Variants in NHSL1 observed in about 807,000 individuals in gnomAD.
The protein encoded by NHSL1 is NHS-like protein 1.
A neutral mutation model predicts 95.0 loss-of-function variants in NHSL1; 48 were observed. The ratio of observed to expected loss-of-function variants is 0.51; its 90% CI spans 0.40 to 0.64. NHSL1 has a LOEUF of 0.64. Among genes scored for constraint, NHSL1 ranks in the 30% least tolerant of loss-of-function variants. The probability of loss-of-function intolerance (pLI) is 0.00; values close to 1 mark genes in which losing one functional copy is unlikely to be tolerated. For synonymous variants in NHSL1, 783 were observed against 833.9 expected (o/e 0.94, Z 1.05); for missense variants, 1,971 against 2,077.7 (o/e 0.95, Z 1.00).
rs962232968 is a variant in NHSL1, at chr6:138,626,607, T to C, written c.96+65869A>G. On this transcript the variant is annotated intron_variant, in intron 1 of 3. Coordinates refer to the NHSL1 transcript ENST00000491526. ...AATCAAGAAACTTTCTTAAAAAAAA[T>C]TGTAGGCCGGGCGCGGTGGCTCACG... 2.4e-5 allele frequency among the ~76,000 whole-genome samples: 3 copies of C among 126,152 alleles called. 1 individual carries two copies. In the South Asian group the frequency reaches 8.2e-4, roughly 35 times the overall value. The allele number at this position is 126,152 out of a possible 152,430, so 82.8% of individuals were successfully genotyped here. A position where few individuals can be genotyped will look rare whatever the true frequency, so the allele number is the denominator to read the frequency against.
chr6:138,513,609 T>C (rs1227891700), intron 1 of NHSL1, among the ~76,000 whole-genome samples: 1 of 152,130 alleles, frequency 6.6e-6, no homozygotes, highest in Non-Finnish European at 1.5e-5. Flanking sequence ...GGCTGGTGGG[T>C]AAAGGAAGAA....
intron 7 of NHSL1, among the ~76,000 whole-genome samples, chr6:138,427,118 A>C (rs1250163281): frequency 6.6e-6 from 1 of 152,228 alleles, no homozygotes; most frequent in Non-Finnish European, 1.5e-5. Context: ...CTGGTGACTT[A>C]ATTTGTAATT....
chr6:138,683,464 C>T (rs779599018), intron 1 of NHSL1, among the ~76,000 whole-genome samples: 2 of 152,184 alleles, frequency 1.3e-5, no homozygotes, highest in South Asian at 2.1e-4. Flanking sequence ...ATGTGCCAGG[C>T]GCTGTGCTAA....
At chr6:138,664,330 G>T (rs145392646) in intron 1 of NHSL1, among the ~76,000 whole-genome samples, 2 of 152,156 alleles carry the variant, frequency 1.3e-5, no homozygotes, top group Non-Finnish European at 2.9e-5. Flanking sequence ...CGCCAAGTAG[G>T]CTGGGTACCC....
chr6:138,647,115 A>C (rs1176206503), intron 1 of NHSL1, among the ~76,000 whole-genome samples: 2 of 152,230 alleles, frequency 1.3e-5, no homozygotes, highest in Non-Finnish European at 2.9e-5. Context: ...ATCTCCCAAA[A>C]ACAGTGAATC....
intron 1 of NHSL1, among the ~76,000 whole-genome samples, chr6:138,561,572 C>T (rs112493913): frequency 2.6e-5 from 4 of 152,312 alleles, no homozygotes; most frequent in African/African-American, 9.6e-5. Context: ...GCCATTTTCA[C>T]ATTGACTTTG....
intron 1 of NHSL1, among the ~76,000 whole-genome samples, chr6:138,681,175 ACAGGATAACC>A (rs1387106698): frequency 6.6e-6 from 1 of 152,198 alleles, no homozygotes; most frequent in Admixed American, 6.5e-5. Flanking sequence ...AAGAAGAGCA[ACAGGATAACC>A]CAGAAATTGT....
chr6:138,430,859 G>T lies in NHSL1; in HGVS notation c.3486C>A (p.Arg1162=), dbSNP rs762365965. ...SAAERGGPVS[R]SPGAPSAGEA... The stretch of plus-strand genomic sequence containing the variant: ...CCCCAGCGCTTGGAGCTCCAGGGCT[G>T]CGGCTCACAGGGCCACCACGCTCAG... The change falls in exon 6 of 8, where the codon CGC becomes CGA. Residue 1162 remains arginine, a synonymous_variant. Transcript: ENST00000343505. This position sits in a 1 kb window ranked among gnomAD's most constrained non-coding sequence, Gnocchi z 4.7. 1.1e-5 allele frequency: 17 copies of T among 1,551,060 alleles called. No individual in the cohort carries two copies. In the South Asian group the frequency reaches 2.0e-4, roughly 18 times the overall value.
At chr6:138,555,831 C>T (rs57832631) in intron 1 of NHSL1, among the ~76,000 whole-genome samples, 3,055 of 152,232 alleles carry the variant, frequency 0.02, 126 homozygotes, top group African/African-American at 0.068. Context: ...AAGAGACTAA[C>T]AGAAAGGAAC....
rs1412769908 is a variant in NHSL1 at position 138,634,397 on chromosome 6, G to C, written c.96+58079C>G. On this transcript the variant is annotated intron_variant, in intron 1 of 3. Coordinates refer to the NHSL1 transcript ENST00000491526. ...CCATGCCAACAAAAACAAACAAAAA[G>C]AGCAGGAGTAGCTATACTTACATCA... is the stretch of plus-strand genomic sequence containing the variant. Among the ~76,000 whole-genome samples the C allele has an allele frequency of 2.6e-5, 4 of 152,032 alleles. No individual in the cohort carries two copies. The East Asian group carries it at 7.7e-4, about 29-fold the overall frequency.
chr6:138,496,969 C>A (rs544818467), intron 1 of NHSL1, among the ~76,000 whole-genome samples: 4 of 152,286 alleles, frequency 2.6e-5, no homozygotes, highest in Non-Finnish European at 1.5e-5. Context: ...ATTCTCTCTG[C>A]ATTTCTTGCT....
chr6:138,440,386 C>T (rs1167173628), intron 5 of NHSL1, among the ~76,000 whole-genome samples: 2 of 152,142 alleles, frequency 1.3e-5, no homozygotes, highest in Non-Finnish European at 2.9e-5. Flanking sequence ...GCCTGGAGAC[C>T]TCAGGTAGCC....
At chr6:138,476,325 A>G (rs1460526244) in intron 2 of NHSL1, among the ~76,000 whole-genome samples, 2 of 152,230 alleles carry the variant, frequency 1.3e-5, no homozygotes, top group Non-Finnish European at 2.9e-5. Flanking sequence ...TAAAAAAAGA[A>G]TTAAATCATA....
chr6:138,608,617 T>C (rs1480814341), intron 1 of NHSL1, among the ~76,000 whole-genome samples: 1 of 152,248 alleles, frequency 6.6e-6, no homozygotes, highest in Non-Finnish European at 1.5e-5. Flanking sequence ...AAATTTTATT[T>C]CTACTTTGTC....
At chr6:138,585,536 G>T (rs1450709347) in intron 1 of NHSL1, among the ~76,000 whole-genome samples, 2 of 151,840 alleles carry the variant, frequency 1.3e-5, no homozygotes, top group African/African-American at 4.8e-5. Flanking sequence ...TATTTTAAAC[G>T]ACTGAAAAAT....
intron 3 of NHSL1, among the ~76,000 whole-genome samples, chr6:138,457,833 C>A (rs1777716275): frequency 6.6e-6 from 1 of 152,160 alleles, no homozygotes; most frequent in Non-Finnish European, 1.5e-5. Context: ...CATAGTGAAA[C>A]CCCGTCTCTA....
intron 4 of NHSL1, among the ~76,000 whole-genome samples, chr6:138,442,788 G>C (rs1776611802): frequency 1.3e-5 from 2 of 152,144 alleles, no homozygotes; most frequent in South Asian, 4.1e-4. Flanking sequence ...TCTTAATTCA[G>C]ACATTTCAAG....
intron 1 of NHSL1, among the ~76,000 whole-genome samples, chr6:138,558,540 C>T (rs1447633468): frequency 6.6e-6 from 1 of 151,912 alleles, no homozygotes; most frequent in African/African-American, 2.4e-5. Flanking sequence ...TCTCCTCCCT[C>T]AGCCTCCTGA....
At chr6:138,690,260 A>G (rs1268883085) in intron 1 of NHSL1, among the ~76,000 whole-genome samples, 1 of 152,244 alleles carries the variant, frequency 6.6e-6, no homozygotes, top group Non-Finnish European at 1.5e-5. Context: ...ATTGTTTTAA[A>G]AGAATCCTAA....
Sources: gnomAD v4.1 joint callset for allele counts (sites outside exome capture counted in the v4.1 genomes callset) on GRCh38, gnomAD v4.1.1 for gene constraint, Gnocchi (gnomAD v3.1) non-coding constraint, MANE v1.5 for transcripts, NCBI Gene and HGNC (gene_info 2026-07-23, HGNC 2026-07-21) for gene names.